ACAP2: variants seen among roughly 807,000 people sequenced by gnomAD.
ACAP2 encodes ArfGAP with coiled-coil, ankyrin repeat and PH domains 2.
A neutral mutation model predicts 115.8 loss-of-function variants in ACAP2; 39 were observed. The observed-to-expected ratio is 0.34, with a 90% CI of 0.26 to 0.44. ACAP2 has a LOEUF of 0.44. Ranked by LOEUF, ACAP2 falls within the 20% of genes least tolerant of loss-of-function variation. ACAP2 has a pLI of 1.00. For missense variants in ACAP2, 662 were observed against 927.6 expected (o/e 0.71, Z 3.72); for synonymous variants, 289 against 315.8 (o/e 0.92, Z 0.90).
At chr3:195,310,554 C>G (rs1728699164) in intron 10 of ACAP2, among the ~76,000 whole-genome samples, 1 of 152,198 alleles carries the variant, frequency 6.6e-6, no homozygotes, top group African/African-American at 2.4e-5. Context: ...TGTTTTATAT[C>G]ATAGTAAATT....
chr3:195,338,029 C>G (rs1225220920), intron 6 of ACAP2, among the ~76,000 whole-genome samples: 1 of 150,128 alleles, frequency 6.7e-6, no homozygotes, highest in Non-Finnish European at 1.5e-5. Flanking sequence ...ATGTTCCGCC[C>G]AGATGGGTAT....
At chr3:195,421,408 C>T (rs529276596) in intron 1 of ACAP2, among the ~76,000 whole-genome samples, 2 of 152,262 alleles carry the variant, frequency 1.3e-5, no homozygotes, top group East Asian at 3.9e-4. Flanking sequence ...CAAAGTCATC[C>T]GTTATCTTTC....
intron 6 of ACAP2, among the ~76,000 whole-genome samples, chr3:195,338,013 G>A (rs947450018): frequency 4.7e-5 from 7 of 148,270 alleles, no homozygotes; most frequent in African/African-American, 1.2e-4. Context: ...CTGTGCACAC[G>A]CCATGATGTT....
chr3:195,329,826 T>G (rs1453618478), intron 8 of ACAP2, among the ~76,000 whole-genome samples: 1 of 152,170 alleles, frequency 6.6e-6, no homozygotes, highest in Non-Finnish European at 1.5e-5. Flanking sequence ...CAGTCTCCTG[T>G]TTTTCCACTT....
chr3:195,434,963 C>T (rs1038470504), intron 1 of ACAP2, among the ~76,000 whole-genome samples: 2 of 150,358 alleles, frequency 1.3e-5, no homozygotes, highest in African/African-American at 5.0e-5. Context: ...GAGTCACTGC[C>T]CTTTTTTCTT....
intron 1 of ACAP2, among the ~76,000 whole-genome samples, chr3:195,393,175 A>G (rs1184419586): frequency 6.6e-6 from 1 of 152,144 alleles, no homozygotes; most frequent in Non-Finnish European, 1.5e-5. Flanking sequence ...GTCTCTACAA[A>G]AAATAAAAAG....
intron 1 of ACAP2, among the ~76,000 whole-genome samples, chr3:195,405,838 G>T (rs1712725150): frequency 6.6e-6 from 1 of 152,158 alleles, no homozygotes; most frequent in East Asian, 1.9e-4. Context: ...GGAAGCAAAT[G>T]CATCTTACAT....
chr3:195,294,760 G>T lies in ACAP2; in HGVS notation c.1724C>A (p.Ser575Tyr). The change falls in exon 18 of 23, where the codon TCT (serine) becomes TAT (tyrosine). Residue 575 changes from serine (S) to tyrosine (Y), a missense_variant. Physicochemically the swap from Ser to Tyr is moderately radical, Grantham distance 144 (BLOSUM62 -2). Around this residue, in one of 3 missense-constraint regions of ACAP2, gnomAD observed 133 missense variants for 123.1 expected, o/e 1.08. Coordinates refer to ENST00000326793, the MANE Select transcript of ACAP2 (RefSeq NM_012287.6). ...ATTGGCTGACACCGTGGAGGGTAAAGATTCTCTTCCATCATCAGAGCTCTG... is the reference window on the plus strand; with the variant it reads ...ATTGGCTGACACCGTGGAGGGTAAATATTCTCTTCCATCATCAGAGCTCTG... ...IQQSSDDGRESLPSTVSANSL... is the reference protein window; with the variant it reads ...IQQSSDDGREYLPSTVSANSL... 1 of 1,610,740 alleles carries T rather than the reference G, an allele frequency of 6.2e-7. No homozygotes were observed. Among genetic ancestry groups the T allele is most frequent in the Non-Finnish European group, 8.5e-7 (1 of 1,177,880 alleles).
chr3:195,375,247 A>G (rs1733446379), intron 4 of ACAP2, among the ~76,000 whole-genome samples: 2 of 152,164 alleles, frequency 1.3e-5, no homozygotes, highest in Non-Finnish European at 2.9e-5. Context: ...TACACATTCA[A>G]TACATAATAT....
chr3:195,336,297 G>A (rs1577319988), intron 7 of ACAP2: 1 of 150,674 alleles, frequency 6.6e-6, no homozygotes, highest in East Asian at 1.9e-4. Context: ...GGAAAAAAGT[G>A]ATCCCCAAAT....
intron 21 of ACAP2, 89 bp from the exon 22 acceptor site, chr3:195,285,946 T>C (rs1726818107): frequency 4.3e-6 from 4 of 923,560 alleles, no homozygotes; most frequent in African/African-American, 1.7e-5. Context: ...CATGTACTAA[T>C]GTAATTGTGT....
chr3:195,295,143 C>A, intron 17 of ACAP2: 1 of 1,042,646 alleles, frequency 9.6e-7, no homozygotes, highest in Non-Finnish European at 1.3e-6. Flanking sequence ...ATGGCCACAC[C>A]GCACAATGAC....
chr3:195,376,884 G>A (rs951981410), intron 4 of ACAP2, among the ~76,000 whole-genome samples: 2 of 152,104 alleles, frequency 1.3e-5, no homozygotes, highest in Admixed American at 6.6e-5. Context: ...ATCTAATGCA[G>A]GTTACACTAT....
intron 4 of ACAP2, among the ~76,000 whole-genome samples, chr3:195,373,529 C>T (rs1164667178): frequency 6.6e-6 from 1 of 152,162 alleles, no homozygotes. Flanking sequence ...TAATTCTCAA[C>T]TTGCAGATTT....
At chr3:195,312,294 T>C (rs1219732143) in intron 10 of ACAP2, among the ~76,000 whole-genome samples, 4 of 152,188 alleles carry the variant, frequency 2.6e-5, no homozygotes, top group African/African-American at 9.7e-5. Context: ...TACTTCAATT[T>C]ATTTTTATAC....
intron 7 of ACAP2, among the ~76,000 whole-genome samples, chr3:195,333,902 G>C (rs1278150833): frequency 6.6e-6 from 1 of 152,120 alleles, no homozygotes; most frequent in African/African-American, 2.4e-5. Flanking sequence ...TTTCTCTCAA[G>C]ATACCAAAAT....
chr3:195,288,948 T>C (rs1355210322), intron 21 of ACAP2, among the ~76,000 whole-genome samples, 173 bp downstream of exon 21: 1 of 152,176 alleles, frequency 6.6e-6, no homozygotes, highest in Non-Finnish European at 1.5e-5. Context: ...TGATTTAAAG[T>C]ACATGGGAGG....
chr3:195,352,959 T>C lies in ACAP2; in HGVS notation c.286-7642A>G, dbSNP rs1261356217. On this transcript the variant is annotated intron_variant, in intron 4 of 22. Coordinates refer to ENST00000326793, the MANE Select transcript of ACAP2 (RefSeq NM_012287.6). ...AGCTGGGTGTGGTGGCGCACATCTG[T>C]AATCCTAGCTACTCAGGAGGCTGAG... Among the ~76,000 whole-genome samples the C allele has an allele frequency of 2.6e-5, 4 of 151,880 alleles. No individual in the cohort carries two copies. In the East Asian group the frequency reaches 7.8e-4, roughly 29 times the overall value.
At chr3:195,430,250 C>A (rs1715014560) in intron 1 of ACAP2, among the ~76,000 whole-genome samples, 1 of 152,190 alleles carries the variant, frequency 6.6e-6, no homozygotes, top group African/African-American at 2.4e-5. Flanking sequence ...ATAAATCCTA[C>A]ATAAGCTATG....
Sources: gnomAD v4.1 joint callset for allele counts (sites outside exome capture counted in the v4.1 genomes callset) on GRCh38, gnomAD v4.1.1 for gene constraint, gnomAD v4.1.1 regional missense constraint, MANE v1.5 for transcripts, NCBI Gene and HGNC (gene_info 2026-07-23, HGNC 2026-07-21) for gene names.